Variants in COL23A1 observed in about 807,000 individuals in gnomAD.
COL23A1 encodes collagen type XXIII alpha 1 chain.
A neutral mutation model predicts 99.3 loss-of-function variants in COL23A1; 97 were observed. That is an observed-to-expected ratio of 0.98 (90% CI 0.83 to 1.16). The LOEUF is 1.16. COL23A1 is among the 50% of genes most tolerant of loss of function. The pLI, the probability that COL23A1 is intolerant of heterozygous loss-of-function variation, is 0.00. For missense variants in COL23A1, 762 were observed against 757.4 expected (o/e 1.01, Z -0.07); for synonymous variants, 320 against 308.2 (o/e 1.04, Z -0.40).
intron 2 of COL23A1, among the ~76,000 whole-genome samples, chr5:178,409,016 ACACACAT>A (rs1764925566): frequency 7.2e-6 from 1 of 138,398 alleles, no homozygotes; most frequent in East Asian, 2.4e-4. Context: ...ACACACACAC[ACACACAT>A]CATGTGGCTG....
intron 2 of COL23A1, among the ~76,000 whole-genome samples, chr5:178,549,243 C>T (rs1161527203): frequency 6.6e-6 from 1 of 151,892 alleles, no homozygotes; most frequent in African/African-American, 2.4e-5. Context: ...ATCCACCCGC[C>T]TCGGCCTCCC....
intron 2 of COL23A1, among the ~76,000 whole-genome samples, chr5:178,362,277 C>T (rs550013930): frequency 2.6e-5 from 4 of 152,186 alleles, no homozygotes; most frequent in Non-Finnish European, 4.4e-5. Flanking sequence ...TGGAGCCAGG[C>T]GGCTGTGGGT....
chr5:178,297,148 C>T (rs984906215), intron 3 of COL23A1, among the ~76,000 whole-genome samples: 1 of 152,396 alleles, frequency 6.6e-6, no homozygotes, highest in East Asian at 1.9e-4. Context: ...TTCACATTGG[C>T]TGTGTTCCTG....
chr5:178,309,198 C>A lies in COL23A1; in HGVS notation c.362-2279G>T, dbSNP rs1383893341. 6.6e-6 allele frequency among the ~76,000 whole-genome samples: 1 copy of A among 152,192 alleles called. No homozygotes were observed. Among genetic ancestry groups the A allele is most frequent in the Admixed American group, 6.5e-5 (1 of 15,284 alleles). The stretch of plus-strand genomic sequence containing the variant: ...ATGAAGACATCTGCCTGTGTTGGGG[C>A]AGCTGAACTAACGGATTTGTCTGGT... On this transcript the variant is annotated intron_variant, in intron 2 of 28. Transcript: ENST00000390654. The surrounding 1 kb of genome is among the most constrained non-coding windows in gnomAD (Gnocchi z 4.7).
chr5:178,491,050 GGAGA>G (rs911391267), intron 2 of COL23A1, among the ~76,000 whole-genome samples: 1 of 151,522 alleles, frequency 6.6e-6, no homozygotes, highest in African/African-American at 2.4e-5. Context: ...AGAAGAGAGA[GGAGA>G]GAGAGAGAAA....
chr5:178,378,819 C>T (rs1482863471), intron 2 of COL23A1, among the ~76,000 whole-genome samples: 2 of 152,164 alleles, frequency 1.3e-5, no homozygotes, highest in East Asian at 1.9e-4. Context: ...GGCCGCAGGA[C>T]GGAAGATCCT....
chr5:178,519,830 G>C (rs1003504482), intron 2 of COL23A1, among the ~76,000 whole-genome samples: 19 of 152,246 alleles, frequency 1.2e-4, no homozygotes, highest in African/African-American at 4.1e-4. Context: ...TGGACAGATA[G>C]ATGGAGGATG....
intron 12 of COL23A1, among the ~76,000 whole-genome samples, chr5:178,257,913 C>T (rs960181744): frequency 6.6e-6 from 1 of 152,282 alleles, no homozygotes; most frequent in South Asian, 2.1e-4. Flanking sequence ...CAAATAAATA[C>T]GAGGTTGGCT....
intron 2 of COL23A1, among the ~76,000 whole-genome samples, chr5:178,517,088 G>A (rs953172592): frequency 1.3e-5 from 2 of 152,038 alleles, no homozygotes; most frequent in African/African-American, 4.8e-5. Context: ...CCATCCATCC[G>A]CCACCTGCCC....
intron 1 of COL23A1, among the ~76,000 whole-genome samples, chr5:178,565,826 A>T (rs1030202376): frequency 1.3e-5 from 2 of 152,122 alleles, no homozygotes; most frequent in South Asian, 4.2e-4. Context: ...CTTTAAAGCT[A>T]TCAGGGCCGG....
chr5:178,260,117 C>G (rs990554184), intron 11 of COL23A1, among the ~76,000 whole-genome samples: 1 of 152,206 alleles, frequency 6.6e-6, no homozygotes, highest in Non-Finnish European at 1.5e-5. Flanking sequence ...CCCACACCCT[C>G]CCCAAAGAGG....
chr5:178,307,938 A>C lies in COL23A1; in HGVS notation c.362-1019T>G, dbSNP rs1414932628. Among the ~76,000 whole-genome samples, 1 of 152,214 alleles carries C rather than the reference A, an allele frequency of 6.6e-6. No homozygotes were observed. The highest frequency in any genetic ancestry group is 1.5e-5 in the Non-Finnish European group (1 of 68,042). On this transcript the variant is annotated intron_variant, in intron 2 of 28. Transcript: ENST00000390654. This position sits in a 1 kb window ranked among gnomAD's most constrained non-coding sequence, Gnocchi z 4.2. Reference sequence around the variant, plus strand: ...AAACCCCGTCAAGAATTTCCAGAACAACCACGAAGGAGATGCAGGAGACTG... The same window carrying C: ...AAACCCCGTCAAGAATTTCCAGAACCACCACGAAGGAGATGCAGGAGACTG...
chr5:178,364,736 G>A (rs1762368951), intron 2 of COL23A1, among the ~76,000 whole-genome samples: 2 of 152,142 alleles, frequency 1.3e-5, no homozygotes, highest in Admixed American at 1.3e-4. Context: ...TGAGTCACGA[G>A]GTCTTGGGTG....
At chr5:178,470,327 G>A (rs1462204873) in intron 2 of COL23A1, among the ~76,000 whole-genome samples, 2 of 152,212 alleles carry the variant, frequency 1.3e-5, no homozygotes, top group Non-Finnish European at 2.9e-5. Flanking sequence ...CCCTTAGCCA[G>A]GAGCCAGTGT....
At chr5:178,493,873 T>C (rs1758062138) in intron 2 of COL23A1, among the ~76,000 whole-genome samples, 1 of 152,190 alleles carries the variant, frequency 6.6e-6, no homozygotes, top group Admixed American at 6.5e-5. Flanking sequence ...CACCAGCAAA[T>C]GTCAATGCAT....
intron 2 of COL23A1, among the ~76,000 whole-genome samples, chr5:178,480,908 G>A (rs950179414): frequency 1.3e-5 from 2 of 152,112 alleles, no homozygotes; most frequent in Non-Finnish European, 2.9e-5. Flanking sequence ...CACTTTAGGA[G>A]GCTGAGGTGG....
At chr5:178,289,131 C>T (rs758759017) in intron 4 of COL23A1, among the ~76,000 whole-genome samples, 32 of 152,050 alleles carry the variant, frequency 2.1e-4, no homozygotes, top group Non-Finnish European at 3.8e-4. Flanking sequence ...GCTTGGCTCA[C>T]GGTGGGGCTG....
chr5:178,364,971 C>T (rs1404095759), intron 2 of COL23A1, among the ~76,000 whole-genome samples: 1 of 152,230 alleles, frequency 6.6e-6, no homozygotes, highest in Admixed American at 6.5e-5. Context: ...TGCTCACTCA[C>T]AACCCTCGCC....
intron 2 of COL23A1, among the ~76,000 whole-genome samples, chr5:178,538,732 C>A (rs1403909593): frequency 6.6e-6 from 1 of 152,096 alleles, no homozygotes; most frequent in Non-Finnish European, 1.5e-5. Context: ...AGCTATCTAC[C>A]CAAGAGAAAT....
Sources: gnomAD v4.1 joint callset for allele counts (sites outside exome capture counted in the v4.1 genomes callset) on GRCh38, gnomAD v4.1.1 for gene constraint, Gnocchi (gnomAD v3.1) non-coding constraint, MANE v1.5 for transcripts, NCBI Gene and HGNC (gene_info 2026-07-23, HGNC 2026-07-21) for gene names.